AFDN: variants seen among roughly 807,000 people sequenced by gnomAD.
AFDN encodes afadin.
Under a neutral mutation model 216.6 loss-of-function variants are expected in AFDN, and 68 were observed. That is an observed-to-expected ratio of 0.31 (90% CI 0.26 to 0.38). The LOEUF is 0.38. Among genes scored for constraint, AFDN ranks in the 10% least tolerant of loss-of-function variants. The pLI is 1.00. For synonymous variants in AFDN, 868 were observed against 853.7 expected (o/e 1.02, Z -0.29); for missense variants, 2,136 against 2,342.0 (o/e 0.91, Z 1.82).
intron 30 of AFDN, among the ~76,000 whole-genome samples, chr6:167,957,383 G>A (rs1796624444): frequency 6.6e-6 from 1 of 152,218 alleles, no homozygotes; most frequent in Non-Finnish European, 1.5e-5. Context: ...CTGGAGTGTG[G>A]TAGGCAGTCG....
intron 30 of AFDN, among the ~76,000 whole-genome samples, chr6:167,956,187 C>A (rs924381371): frequency 6.7e-6 from 1 of 149,594 alleles, no homozygotes; most frequent in Non-Finnish European, 1.5e-5. Flanking sequence ...CCCTAGGAGA[C>A]CCTCATCTGT....
At chr6:167,860,434 G>C (rs551603885) in intron 1 of AFDN, among the ~76,000 whole-genome samples, 1 of 152,206 alleles carries the variant, frequency 6.6e-6, no homozygotes, top group East Asian at 1.9e-4. Context: ...ACCTAGAATA[G>C]GGAATAAAAG....
rs753574784 is a variant in AFDN at position 167,948,309 on chromosome 6, C to T, written c.3662C>T (p.Pro1221Leu). 2.5e-5 allele frequency: 40 copies of T among 1,613,600 alleles called. No homozygotes were observed. The African/African-American group carries it at 4.9e-4, about 20-fold the overall frequency. ...NLCTEEQTPP[P>L]RPEAYPIPTQ... ...ATTTTACAGGAGCAGACGCCTCCGC[C>T]TAGACCTGAAGCCTACCCCATCCCC... The change falls in exon 29 of 34, where the codon CCT (proline) becomes CTT (leucine). Residue 1221 changes from proline (P) to leucine (L), a missense_variant. By Grantham distance (98) the Pro-to-Leu change is moderately conservative. Transcript: ENST00000683244.
chr6:167,856,117 T>C (rs1373312628), intron 1 of AFDN, among the ~76,000 whole-genome samples: 1 of 152,146 alleles, frequency 6.6e-6, no homozygotes, highest in African/African-American at 2.4e-5. Context: ...TAGTCACATA[T>C]AGCTGCCTCA....
At chr6:167,848,968 T>G (rs1781998896) in intron 1 of AFDN, among the ~76,000 whole-genome samples, 1 of 152,188 alleles carries the variant, frequency 6.6e-6, no homozygotes, top group South Asian at 2.1e-4. Context: ...TACAGCAGGA[T>G]GAGACGCAGT....
chr6:167,890,505 G>A (rs1787427278), intron 7 of AFDN, among the ~76,000 whole-genome samples: 1 of 151,736 alleles, frequency 6.6e-6, no homozygotes, highest in South Asian at 2.1e-4. Flanking sequence ...GTATTTGTGT[G>A]TGAATGTGGT....
Position 167,888,283 on chromosome 6 carries a change from A to G in AFDN, c.898-932A>G, listed in dbSNP as rs186918083. On this transcript the variant is annotated intron_variant, in intron 6 of 33. Transcript: ENST00000683244. ...TTGAAGCAGTGTAGAGAGAAATTAC[A>G]GGGTTCTGTAGAAGAGTCTAACCCA... Among the ~76,000 whole-genome samples, 13 of 152,308 alleles carry G rather than the reference A, an allele frequency of 8.5e-5. No homozygotes were observed. In the East Asian group the frequency reaches 2.3e-3, roughly 27 times the overall value.
chr6:167,836,545 G>A (rs1780458958), intron 1 of AFDN, among the ~76,000 whole-genome samples: 3 of 152,008 alleles, frequency 2.0e-5, no homozygotes, highest in Admixed American at 6.6e-5. Flanking sequence ...AAAAAAATAC[G>A]TGTAGTAAAA....
chr6:167,938,110 A>AG (rs1258843796), intron 23 of AFDN, among the ~76,000 whole-genome samples: 1 of 152,196 alleles, frequency 6.6e-6, no homozygotes, highest in East Asian at 1.9e-4. Flanking sequence ...TGAGAACATA[A>AG]GTGAATGATG....
chr6:167,832,091 T>C (rs528382574), intron 1 of AFDN, among the ~76,000 whole-genome samples: 1 of 152,354 alleles, frequency 6.6e-6, no homozygotes, highest in South Asian at 2.1e-4. Context: ...TTCTGGCTGA[T>C]AGTATATAGG....
intron 4 of AFDN, 77 bp from the exon 5 acceptor site, chr6:167,875,258 T>C: frequency 7.0e-7 from 1 of 1,420,362 alleles, no homozygotes; most frequent in Non-Finnish European, 9.6e-7. Context: ...CATTTTGATT[T>C]TTGTGCGGTT....
chr6:167,924,466 G>A (rs911284482), intron 22 of AFDN, among the ~76,000 whole-genome samples: 2 of 152,136 alleles, frequency 1.3e-5, no homozygotes, highest in African/African-American at 4.8e-5. Flanking sequence ...GCGTGCTCTG[G>A]GTGTTGCTGC....
At chr6:167,828,362 C>T (rs927543392) in intron 1 of AFDN, among the ~76,000 whole-genome samples, 1 of 152,130 alleles carries the variant, frequency 6.6e-6, no homozygotes, top group African/African-American at 2.4e-5. Flanking sequence ...TCTCTGATTT[C>T]TTGAGTTTTT....
At chr6:167,869,790 C>G (rs1299938358) in intron 2 of AFDN, among the ~76,000 whole-genome samples, 2 of 152,074 alleles carry the variant, frequency 1.3e-5, no homozygotes, top group Admixed American at 1.3e-4. Context: ...AGTAATATAC[C>G]AAACATAATA....
chr6:167,839,962 A>G (rs1780877845), intron 1 of AFDN, among the ~76,000 whole-genome samples: 1 of 152,162 alleles, frequency 6.6e-6, no homozygotes, highest in Admixed American at 6.5e-5. Flanking sequence ...TACACACTGT[A>G]CTAGCACAGT....
intron 2 of AFDN, among the ~76,000 whole-genome samples, chr6:167,866,477 A>G (rs1232745658): frequency 3.3e-5 from 5 of 152,242 alleles, no homozygotes; most frequent in African/African-American, 1.2e-4. Context: ...AGTCCGTTTC[A>G]TTAAGTAGTT....
intron 1 of AFDN, among the ~76,000 whole-genome samples, chr6:167,844,872 G>GTTTTTTTTTTT (rs1289118837): frequency 4.4e-5 from 6 of 137,400 alleles, no homozygotes; most frequent in African/African-American, 5.4e-5. Flanking sequence ...TTTTTTTTTG[G>GTTTTTTTTTTT]TTTTTGAGAC....
intron 29 of AFDN, among the ~76,000 whole-genome samples, chr6:167,949,515 C>G (rs1284910079): frequency 6.6e-6 from 1 of 152,198 alleles, no homozygotes; most frequent in African/African-American, 2.4e-5. Context: ...GGCCTTTTGT[C>G]TGGTGTGCTG....
At chr6:167,934,518 C>G (rs370864611) in intron 23 of AFDN, among the ~76,000 whole-genome samples, 1 of 152,148 alleles carries the variant, frequency 6.6e-6, no homozygotes, top group Non-Finnish European at 1.5e-5. Context: ...CAGAGGAGAG[C>G]AGCGAGCGGG....
Sources: allele counts gnomAD v4.1 joint callset (sites outside exome capture counted in the v4.1 genomes callset), GRCh38; gene constraint gnomAD v4.1.1; transcripts MANE v1.5; gene names NCBI Gene and HGNC (gene_info 2026-07-23, HGNC 2026-07-21).